Variants in PGM2L1 observed in about 807,000 individuals in gnomAD.
PGM2L1 encodes the protein glucose 1,6-bisphosphate synthase.
PGM2L1 carries 35 observed loss-of-function variants against 73.4 expected under a neutral mutation model. That is an observed-to-expected ratio of 0.48 (90% CI 0.36 to 0.63). The LOEUF (loss-of-function observed/expected upper bound fraction) is 0.63, where lower values mean the gene tolerates loss of function less well. PGM2L1 is among the 30% of genes least tolerant of loss of function. The probability of loss-of-function intolerance (pLI) is 0.00; values close to 1 mark genes in which losing one functional copy is unlikely to be tolerated. For synonymous variants in PGM2L1, 225 were observed against 253.8 expected, an observed-to-expected ratio of 0.89 and a Z score of 1.08; for missense variants, 570 against 742.0, an observed-to-expected ratio of 0.77 and a Z score of 2.69.
intron 1 of PGM2L1, among the ~76,000 whole-genome samples, chr11:74,382,249 TG>T (rs1448910783): frequency 1.3e-5 from 2 of 152,212 alleles, no homozygotes; most frequent in Admixed American, 1.3e-4. Flanking sequence ...ACAGCCAGGA[TG>T]GCTTGTCTGT....
chr11:74,376,235 G>A (rs542351380), intron 1 of PGM2L1, among the ~76,000 whole-genome samples: 4 of 152,070 alleles, frequency 2.6e-5, no homozygotes, highest in East Asian at 1.9e-4. Context: ...TTGTGTAGAC[G>A]AAGAAACTAA....
intron 13 of PGM2L1, among the ~76,000 whole-genome samples, chr11:74,338,082 A>T (rs186308584): frequency 1.3e-5 from 2 of 152,314 alleles, no homozygotes; most frequent in Non-Finnish European, 2.9e-5. Flanking sequence ...ACAAAACTTT[A>T]AAAAAAGGAA....
intron 7 of PGM2L1, 28 bp downstream of exon 7, chr11:74,347,117 CTAA>C: frequency 7.0e-7 from 1 of 1,425,278 alleles, no homozygotes; most frequent in Middle Eastern, 2.3e-4. Flanking sequence ...GTTTAATAAA[CTAA>C]TAATAATTTA....
chr11:74,350,139 G>T (rs1862327665), intron 6 of PGM2L1, among the ~76,000 whole-genome samples: 1 of 152,196 alleles, frequency 6.6e-6, no homozygotes, highest in South Asian at 2.1e-4. Flanking sequence ...TTTTTAGATT[G>T]ATTAGAGCTG....
At chr11:74,358,917 CAAAAGTTCCACCTCTA>C (rs1001285326) in intron 5 of PGM2L1, among the ~76,000 whole-genome samples, 2 of 151,946 alleles carry the variant, frequency 1.3e-5, no homozygotes, top group Non-Finnish European at 2.9e-5. Flanking sequence ...CAAAAAAACC[CAAAAGTTCCACCTCTA>C]AAAATCTATC....
chr11:74,374,611 C>T, intron 1 of PGM2L1, 29 bp from the exon 2 acceptor site: 1 of 1,595,842 alleles, frequency 6.3e-7, no homozygotes, highest in Non-Finnish European at 8.6e-7. Flanking sequence ...AAAACTTAAC[C>T]AGGAATCCAA....
At chr11:74,368,764 T>C (rs1862702112) in intron 4 of PGM2L1, among the ~76,000 whole-genome samples, 189 bp from the exon 5 acceptor site, 1 of 152,236 alleles carries the variant, frequency 6.6e-6, no homozygotes, top group Non-Finnish European at 1.5e-5. Flanking sequence ...TCCTTTTACT[T>C]TTTTGGATTT....
intron 7 of PGM2L1, 43 bp downstream of exon 7, chr11:74,347,104 AT>A (rs1462841563): frequency 7.3e-7 from 1 of 1,369,874 alleles, no homozygotes; most frequent in African/African-American, 1.5e-5. Flanking sequence ...ATCTATTCTG[AT>A]GGTTTAATAA....
At chr11:74,392,636 G>A (rs1863119587) in intron 1 of PGM2L1, among the ~76,000 whole-genome samples, 1 of 152,092 alleles carries the variant, frequency 6.6e-6, no homozygotes, top group Admixed American at 6.5e-5. Flanking sequence ...CCGCCTCCCG[G>A]ATTCACGCCA....
intron 11 of PGM2L1, 48 bp downstream of exon 11, chr11:74,342,837 C>T: frequency 6.6e-7 from 1 of 1,521,976 alleles, no homozygotes; most frequent in Non-Finnish European, 8.8e-7. Context: ...AAGGGTAGGA[C>T]AATAAAAGAA....
At chr11:74,353,283 T>A (rs1862386818) in intron 5 of PGM2L1, among the ~76,000 whole-genome samples, 1 of 152,176 alleles carries the variant, frequency 6.6e-6, no homozygotes, top group Admixed American at 6.5e-5. Flanking sequence ...TTAATTACAA[T>A]TTGAATGTTA....
intron 1 of PGM2L1, among the ~76,000 whole-genome samples, chr11:74,376,083 A>C (rs1862848923): frequency 6.6e-6 from 1 of 152,222 alleles, no homozygotes; most frequent in East Asian, 1.9e-4. Flanking sequence ...TTTTACAGCA[A>C]GTATCAAATT....
intron 8 of PGM2L1, among the ~76,000 whole-genome samples, chr11:74,346,421 G>A (rs1040392215): frequency 1.6e-4 from 25 of 151,800 alleles, no homozygotes; most frequent in African/African-American, 5.8e-4. Context: ...TGCTTACACT[G>A]TAAGCATTAT....
At chr11:74,361,460 G>GA (rs1172667825) in intron 5 of PGM2L1, among the ~76,000 whole-genome samples, 1 of 152,208 alleles carries the variant, frequency 6.6e-6, no homozygotes, top group Non-Finnish European at 1.5e-5. Context: ...AAACAGAGCA[G>GA]AAAAGCTGAA....
chr11:74,371,867 A>G, intron 2 of PGM2L1, 50 bp from the exon 3 acceptor site: 1 of 1,418,936 alleles, frequency 7.0e-7, no homozygotes, highest in Non-Finnish European at 1.0e-6. Flanking sequence ...CTTGCATTTC[A>G]TATGACTCAG....
At position 74,342,636 on chromosome 11, in the gene PGM2L1, A is replaced by G; in HGVS notation, c.1457T>C (p.Ile486Thr). 1 of 1,581,794 alleles carries G rather than the reference A, an allele frequency of 6.3e-7. No homozygotes were observed. The highest frequency in any genetic ancestry group is 1.2e-5 in the South Asian group (1 of 86,136). Residue 486 changes from isoleucine (I) to threonine (T), a missense_variant, in exon 12 of 14, where the codon ATT becomes ACT. Ile to Thr is a moderately conservative substitution (Grantham distance 89). Transcript: ENST00000298198. ...ACACAAGAAATAGGAAGTTTTTGAA[A>G]TATGATAACCATATCTGTGCAAAGA... is the stretch of plus-strand genomic sequence containing the variant. ...VKVYEKYGYH[I>T]SKTSYFLCYE...
chr11:74,383,130 T>C (rs1027996021), intron 1 of PGM2L1, among the ~76,000 whole-genome samples: 45 of 152,292 alleles, frequency 3.0e-4, no homozygotes, highest in African/African-American at 1.0e-3. Flanking sequence ...ACTAAAGTAA[T>C]GTTAATAATA....
At chr11:74,372,184 G>A (rs569519487) in intron 2 of PGM2L1, among the ~76,000 whole-genome samples, 19 of 151,500 alleles carry the variant, frequency 1.3e-4, no homozygotes, top group Non-Finnish European at 2.5e-4. Context: ...TTGTCTGAAG[G>A]CTCTAGAAAA....
At chr11:74,343,165 CTTTT>C in intron 10 of PGM2L1, 151 bp from the exon 11 acceptor site, 5 of 1,179,646 alleles carry the variant, frequency 4.2e-6, no homozygotes, top group Non-Finnish European at 5.6e-6. Context: ...CACTTTCGTT[CTTTT>C]TTTTTTCTGA....
Sources: gnomAD v4.1 joint callset for allele counts (sites outside exome capture counted in the v4.1 genomes callset) on GRCh38, gnomAD v4.1.1 for gene constraint, MANE v1.5 for transcripts, NCBI Gene and HGNC (gene_info 2026-07-23, HGNC 2026-07-21) for gene names.